ESRP1: variants seen among roughly 807,000 people sequenced by gnomAD.
ESRP1 encodes epithelial splicing regulatory protein 1.
A neutral mutation model predicts 81.7 loss-of-function variants in ESRP1; 33 were observed. That is an observed-to-expected ratio of 0.40 (90% CI 0.31 to 0.54). The LOEUF (loss-of-function observed/expected upper bound fraction) is 0.54, where lower values mean the gene tolerates loss of function less well. Ranked by LOEUF, ESRP1 falls within the 20% of genes least tolerant of loss-of-function variation. ESRP1 has a pLI of 0.41. For synonymous variants in ESRP1, 320 were observed against 303.3 expected, an observed-to-expected ratio of 1.06 and a Z score of -0.57; for missense variants, 672 against 833.1, an observed-to-expected ratio of 0.81 and a Z score of 2.38.
At chr8:94,667,068 G>GGGGGTGTGTGTGTGT (rs1554577644) in intron 9 of ESRP1, among the ~76,000 whole-genome samples, 13 of 144,244 alleles carry the variant, frequency 9.0e-5, no homozygotes, top group Non-Finnish European at 1.5e-4. Context: ...CCAGGAGAGG[G>GGGGGTGTGTGTGTGT]GTGTGTGTGT....
intron 13 of ESRP1, among the ~76,000 whole-genome samples, chr8:94,691,604 A>T (rs1489147193): frequency 6.6e-6 from 1 of 152,194 alleles, no homozygotes; most frequent in Non-Finnish European, 1.5e-5. Flanking sequence ...AATTATAGAC[A>T]GAGTCTGGGA....
At chr8:94,694,888 G>T (rs1239033078) in intron 14 of ESRP1, among the ~76,000 whole-genome samples, 1 of 152,188 alleles carries the variant, frequency 6.6e-6, no homozygotes, top group African/African-American at 2.4e-5. Context: ...CTGGAGCAGT[G>T]AGTTAGGATT....
rs1428688778 is a variant in ESRP1 at position 94,692,846 on chromosome 8, A to G, written c.1971+19A>G. On this transcript the variant is annotated intron_variant, in intron 14 of 15. Transcript: ENST00000433389. ...TTACCAGGTCAGTAGCTTGAAGGAG[A>G]ATAATCCTCAGTGCCCTTATTACTT... 6.2e-7 allele frequency: 1 copy of G among 1,609,336 alleles called. No individual in the cohort carries two copies. The highest frequency in any genetic ancestry group is 8.5e-7 in the Non-Finnish European group (1 of 1,177,372).
intron 13 of ESRP1, among the ~76,000 whole-genome samples, chr8:94,680,499 C>A (rs893595293): frequency 2.0e-5 from 3 of 152,052 alleles, no homozygotes; most frequent in Admixed American, 6.6e-5. Flanking sequence ...GTGATCTTGT[C>A]TCACCACACC....
intron 13 of ESRP1, among the ~76,000 whole-genome samples, chr8:94,683,830 C>T (rs899314393): frequency 1.3e-5 from 2 of 152,210 alleles, no homozygotes; most frequent in African/African-American, 4.8e-5. Flanking sequence ...GCAACTCACT[C>T]TCTCCTACTA....
chr8:94,682,459 C>G (rs1484651197), intron 13 of ESRP1, among the ~76,000 whole-genome samples: 1 of 152,018 alleles, frequency 6.6e-6, no homozygotes, highest in African/African-American at 2.4e-5. Context: ...CTTGATCTCC[C>G]AGGCTCAAGC....
intron 15 of ESRP1, among the ~76,000 whole-genome samples, chr8:94,701,769 G>A (rs1809850884): frequency 1.3e-5 from 2 of 151,994 alleles, no homozygotes; most frequent in Admixed American, 6.6e-5. Flanking sequence ...GTATCTGTTA[G>A]GTCTCAAAGG....
chr8:94,675,399 A>G (rs1393851113), intron 12 of ESRP1, among the ~76,000 whole-genome samples: 1 of 152,204 alleles, frequency 6.6e-6, no homozygotes, highest in East Asian at 1.9e-4. Context: ...AATAAGATGG[A>G]CCTATACTAA....
intron 4 of ESRP1, among the ~76,000 whole-genome samples, chr8:94,657,787 T>G (rs941624172): frequency 2.6e-5 from 4 of 152,238 alleles, no homozygotes; most frequent in African/African-American, 9.6e-5. Context: ...TTCAGTTGGC[T>G]TTTATCTATG....
At chr8:94,662,464 A>C in intron 5 of ESRP1, 37 bp from the exon 6 acceptor site, 1 of 1,578,338 alleles carries the variant, frequency 6.3e-7, no homozygotes, top group Non-Finnish European at 8.6e-7. Flanking sequence ...TGTCTCCCTA[A>C]TCACTAAAAT....
chr8:94,673,969 A>T (rs574797278), intron 11 of ESRP1, among the ~76,000 whole-genome samples: 1 of 152,192 alleles, frequency 6.6e-6, no homozygotes, highest in African/African-American at 2.4e-5. Context: ...CGAATTTTTC[A>T]GAAGAGAAAA....
In ESRP1 at chr8:94,681,110, G is replaced by T. The variant is rs1166068494; in HGVS notation, c.1820+2739G>T. On this transcript the variant is annotated intron_variant, in intron 13 of 15. Coordinates refer to ENST00000433389, the MANE Select transcript of ESRP1 (RefSeq NM_017697.4). ...GGAGGCCAAGGTGGACGGATCACGA[G>T]GTCAGGAGATAGAGACCATCCTGGC... is the stretch of plus-strand genomic sequence containing the variant. Among the ~76,000 whole-genome samples the T allele has an allele frequency of 4.6e-5, 7 of 151,862 alleles. No homozygotes were observed. In the East Asian group the frequency reaches 1.4e-3, roughly 30 times the overall value.
In ESRP1 at chr8:94,646,250, T is replaced by C. The variant is rs768806933; in HGVS notation, c.458T>C (p.Ile153Thr). ...AAATGTTGCCCTGGTTCACCTGATATTGACAAACTGGACGTTGCCACAATG... is the reference window on the plus strand; with the variant it reads ...AAATGTTGCCCTGGTTCACCTGATACTGACAAACTGGACGTTGCCACAATG... The part of the protein sequence containing the change: ...FKKCCPGSPD[I>T]DKLDVATMTE... Residue 153 changes from isoleucine to threonine, a missense_variant, in exon 4 of 16, where the codon ATT becomes ACT. Coordinates refer to ENST00000433389, the MANE Select transcript of ESRP1 (RefSeq NM_017697.4). The C allele has an allele frequency of 3.6e-5, 58 of 1,612,168 alleles. No individual in the cohort carries two copies. The highest frequency in any genetic ancestry group is 2.5e-4 in the East Asian group (11 of 44,804).
chr8:94,645,969 G>C lies in ESRP1; in HGVS notation c.376-199G>C, dbSNP rs527771660. Among the ~76,000 whole-genome samples the C allele has an allele frequency of 1.2e-4, 19 of 152,182 alleles. No individual in the cohort carries two copies. In the East Asian group the frequency reaches 3.5e-3, roughly 28 times the overall value. On this transcript the variant is annotated intron_variant, in intron 3 of 15. Transcript: ENST00000433389. ...TGTAATCCACTGCCTTAAAACAAGA[G>C]GAATTTTTTTCATGAGACTTGTACA...
chr8:94,647,398 A>C (rs1320414285), intron 4 of ESRP1, among the ~76,000 whole-genome samples: 1 of 152,236 alleles, frequency 6.6e-6, no homozygotes, highest in African/African-American at 2.4e-5. Flanking sequence ...TCAAGCTTCC[A>C]TAACAAATAC....
intron 4 of ESRP1, 159 bp downstream of exon 4, chr8:94,646,441 A>T: frequency 1.9e-6 from 1 of 527,660 alleles, no homozygotes; most frequent in Non-Finnish European, 3.3e-6. Context: ...ACAATTATAG[A>T]CATCTTTGAA....
chr8:94,663,301 C>T (rs1303226187), intron 6 of ESRP1, among the ~76,000 whole-genome samples: 3 of 151,926 alleles, frequency 2.0e-5, no homozygotes, highest in Non-Finnish European at 4.4e-5. Context: ...GCTGGAATAT[C>T]GCGGTGTGAT....
At chr8:94,703,935 G>C (rs1293274592) in intron 15 of ESRP1, among the ~76,000 whole-genome samples, 1 of 152,188 alleles carries the variant, frequency 6.6e-6, no homozygotes, top group Non-Finnish European at 1.5e-5. Flanking sequence ...CTGATCAATA[G>C]TGTTGGGTCA....
intron 3 of ESRP1, 149 bp from the exon 4 acceptor site, chr8:94,646,019 C>A: frequency 3.8e-6 from 2 of 525,172 alleles, no homozygotes; most frequent in Non-Finnish European, 6.7e-6. Flanking sequence ...GAAACAGGAC[C>A]AACTTTTAAA....
Sources: gnomAD v4.1 joint callset for allele counts (sites outside exome capture counted in the v4.1 genomes callset) on GRCh38, gnomAD v4.1.1 for gene constraint, MANE v1.5 for transcripts, NCBI Gene and HGNC (gene_info 2026-07-23, HGNC 2026-07-21) for gene names.